Variants in HIPK3 observed in about 807,000 individuals in gnomAD.
HIPK3 encodes the protein homeodomain-interacting protein kinase 3.
In HIPK3, 47 loss-of-function variants were observed where a neutral mutation model predicts 124.2. The ratio of observed to expected loss-of-function variants is 0.38; its 90% CI spans 0.30 to 0.48. HIPK3 has a LOEUF of 0.48. Ranked by LOEUF, HIPK3 falls within the 20% of genes least tolerant of loss-of-function variation. The pLI is 0.98. For missense variants in HIPK3, 1,286 were observed against 1,454.3 expected, an observed-to-expected ratio of 0.88 and a Z score of 1.88; for synonymous variants, 482 against 515.2, an observed-to-expected ratio of 0.94 and a Z score of 0.87.
chr11:33,307,814 C>T (rs1565076828), intron 2 of HIPK3, among the ~76,000 whole-genome samples: 2 of 151,770 alleles, frequency 1.3e-5, no homozygotes, highest in African/African-American at 2.4e-5. Context: ...AAGATATTCT[C>T]CTTATGAAAC....
At chr11:33,301,159 G>T (rs1191669230) in intron 2 of HIPK3, among the ~76,000 whole-genome samples, 2 of 152,030 alleles carry the variant, frequency 1.3e-5, no homozygotes, top group Non-Finnish European at 2.9e-5. Flanking sequence ...GCCACAATAT[G>T]TTACTTATTT....
chr11:33,290,668 C>G (rs1244289196), intron 2 of HIPK3, among the ~76,000 whole-genome samples: 1 of 145,508 alleles, frequency 6.9e-6, no homozygotes, highest in Non-Finnish European at 1.5e-5. Context: ...TTGAGAATGT[C>G]TGTCGGTTTA....
intron 2 of HIPK3, among the ~76,000 whole-genome samples, chr11:33,313,485 C>T (rs563287191): frequency 6.7e-6 from 1 of 149,672 alleles, no homozygotes; most frequent in East Asian, 1.9e-4. Context: ...ACTTAACTCT[C>T]AAACAGTTCA....
chr11:33,337,395 G>A (rs568359921), intron 4 of HIPK3, among the ~76,000 whole-genome samples: 41 of 148,586 alleles, frequency 2.8e-4, no homozygotes, highest in African/African-American at 9.5e-4. Flanking sequence ...TCTCTCTCTC[G>A]CCCAGGCTGG....
intron 2 of HIPK3, among the ~76,000 whole-genome samples, chr11:33,326,685 C>A (rs1457282600): frequency 6.9e-6 from 1 of 144,376 alleles, no homozygotes; most frequent in Non-Finnish European, 1.5e-5. Flanking sequence ...TTTTTTTTTT[C>A]CCCCGAGACA....
At chr11:33,333,288 T>C (rs1033263344) in intron 3 of HIPK3, among the ~76,000 whole-genome samples, 11 of 152,192 alleles carry the variant, frequency 7.2e-5, no homozygotes, top group African/African-American at 2.7e-4. Context: ...AGAACTTCAC[T>C]GGTACTGGAC....
intron 1 of HIPK3, among the ~76,000 whole-genome samples, chr11:33,279,269 C>G (rs1355354189): frequency 7.1e-6 from 1 of 141,068 alleles, no homozygotes; most frequent in African/African-American, 2.7e-5. Flanking sequence ...GAGCTGTGAT[C>G]ACGCTACTGC....
At chr11:33,324,214 G>A (rs538205703) in intron 2 of HIPK3, among the ~76,000 whole-genome samples, 4 of 148,234 alleles carry the variant, frequency 2.7e-5, no homozygotes, top group South Asian at 4.1e-4. Context: ...ACTGACAGAC[G>A]GATGTATTCT....
At chr11:33,295,796 C>A (rs1851829194) in intron 2 of HIPK3, among the ~76,000 whole-genome samples, 1 of 152,162 alleles carries the variant, frequency 6.6e-6, no homozygotes, top group Admixed American at 6.5e-5. Context: ...TCAATTTGTC[C>A]CATTATTGGT....
chr11:33,349,215 G>A lies in HIPK3; in HGVS notation c.2735G>A (p.Ser912Asn). 6.2e-7 allele frequency: 1 copy of A among 1,613,734 alleles called. No homozygotes were observed. The highest frequency in any genetic ancestry group is 1.3e-5 in the African/African-American group (1 of 75,014). ...TLNIDRMCSL[S>N]SPDSTLSTSS... is the part of the protein sequence containing the mutation. ...AATATTGATCGGATGTGTTCATTAA[G>A]TAGTCCTGATAGTACTCTGAGTACC... The change falls in exon 14 of 17, where the codon AGT (serine) becomes AAT (asparagine). Residue 912 changes from serine to asparagine, a missense_variant. Around this residue, in one of 3 missense-constraint regions of HIPK3, gnomAD observed 810 missense variants for 864.9 expected, o/e 0.94. Transcript: ENST00000303296.
chr11:33,334,491 A>G (rs370373194), intron 3 of HIPK3, among the ~76,000 whole-genome samples: 17 of 152,126 alleles, frequency 1.1e-4, no homozygotes, highest in Admixed American at 2.0e-4. Context: ...CAGGGAATAT[A>G]TATAGTTGGA....
chr11:33,261,100 GTA>G (rs1412257899), intron 1 of HIPK3, among the ~76,000 whole-genome samples: 1 of 139,846 alleles, frequency 7.2e-6, no homozygotes, highest in Admixed American at 7.5e-5. Flanking sequence ...GGGATTATAT[GTA>G]TATATATATA....
intron 1 of HIPK3, among the ~76,000 whole-genome samples, chr11:33,262,190 C>T (rs1377311577): frequency 1.3e-5 from 2 of 152,176 alleles, no homozygotes; most frequent in South Asian, 2.1e-4. Context: ...ATGTGGCCTA[C>T]TTAAGGAAGA....
intron 1 of HIPK3, among the ~76,000 whole-genome samples, chr11:33,273,620 TAGAA>T (rs1016973191): frequency 2.0e-5 from 3 of 148,960 alleles, no homozygotes; most frequent in Non-Finnish European, 4.4e-5. Flanking sequence ...ACAGCCTGAG[TAGAA>T]AGAAAACATA....
intron 1 of HIPK3, among the ~76,000 whole-genome samples, chr11:33,271,896 G>A (rs1851133674): frequency 6.6e-6 from 1 of 152,062 alleles, no homozygotes; most frequent in Admixed American, 6.5e-5. Flanking sequence ...TGCATTGATA[G>A]TGTGACTTTT....
At chr11:33,273,368 G>A (rs1212902933) in intron 1 of HIPK3, among the ~76,000 whole-genome samples, 5 of 151,868 alleles carry the variant, frequency 3.3e-5, no homozygotes, top group East Asian at 2.0e-4. Flanking sequence ...TTAGCCAGGC[G>A]TGTGGTGGCG....
At chr11:33,276,429 T>G (rs1270331194) in intron 1 of HIPK3, among the ~76,000 whole-genome samples, 1 of 152,214 alleles carries the variant, frequency 6.6e-6, no homozygotes, top group Non-Finnish European at 1.5e-5. Flanking sequence ...ATATTTTAAG[T>G]GTTAATATGG....
Position 33,286,513 on chromosome 11 carries a change from T to A in HIPK3, c.99T>A (p.Cys33Ter). ...VKKLKVEPSSCVFQERNYPRT... is the reference protein window; with the variant it reads ...VKKLKVEPSS The stretch of plus-strand genomic sequence containing the variant: ...AACTCAAAGTAGAGCCAAGCAGTTG[T>A]GTATTCCAGGAAAGAAACTATCCAC... The change falls in exon 2 of 17, where the codon TGT (cysteine) becomes TGA (stop). Residue 33 changes from cysteine to a stop codon, truncating the protein, a stop_gained. Coordinates refer to ENST00000303296, the MANE Select transcript of HIPK3 (RefSeq NM_005734.5). LOFTEE classifies it high-confidence loss of function. 1 of 1,613,994 alleles carries A rather than the reference T, an allele frequency of 6.2e-7. No individual in the cohort carries two copies. The highest frequency in any genetic ancestry group is 8.5e-7 in the Non-Finnish European group (1 of 1,180,000).
intron 14 of HIPK3, among the ~76,000 whole-genome samples, chr11:33,350,531 G>A (rs1853626636): frequency 6.6e-6 from 1 of 151,482 alleles, no homozygotes; most frequent in African/African-American, 2.4e-5. Flanking sequence ...AAAAAAAGCA[G>A]GATGTGGTGT....
Sources: allele counts gnomAD v4.1 joint callset (sites outside exome capture counted in the v4.1 genomes callset), GRCh38; gene constraint gnomAD v4.1.1; regional missense constraint gnomAD v4.1.1; transcripts MANE v1.5; gene names NCBI Gene and HGNC (gene_info 2026-07-23, HGNC 2026-07-21).